Variants in TNIK observed in about 807,000 individuals in gnomAD.
TNIK encodes the protein TRAF2 and NCK-interacting protein kinase.
TNIK carries 49 observed loss-of-function variants against 191.3 expected under a neutral mutation model. That is an observed-to-expected ratio of 0.26 (90% CI 0.20 to 0.32). TNIK has a LOEUF of 0.32. TNIK is among the 10% of genes least tolerant of loss of function. The pLI, the probability that TNIK is intolerant of heterozygous loss-of-function variation, is 1.00. For synonymous variants in TNIK, 594 were observed against 600.9 expected (o/e 0.99, Z 0.17); for missense variants, 1,155 against 1,702.3 (o/e 0.68, Z 5.66).
intron 2 of TNIK, among the ~76,000 whole-genome samples, chr3:171,321,613 C>A (rs1224437818): frequency 3.9e-5 from 6 of 152,176 alleles, no homozygotes; most frequent in African/African-American, 1.4e-4. Context: ...CAACCCAAGC[C>A]ATTTCTGAAA....
chr3:171,170,148 C>T (rs1270718789), intron 9 of TNIK, among the ~76,000 whole-genome samples: 1 of 152,120 alleles, frequency 6.6e-6, no homozygotes, highest in Non-Finnish European at 1.5e-5. Context: ...GTAGTTCTGT[C>T]TCTTATAAAA....
intron 2 of TNIK, among the ~76,000 whole-genome samples, chr3:171,280,115 C>T (rs866411623): frequency 1.3e-5 from 2 of 152,180 alleles, no homozygotes; most frequent in African/African-American, 4.8e-5. Flanking sequence ...CGTTCCCTCC[C>T]GGCTATGTGG....
intron 11 of TNIK, among the ~76,000 whole-genome samples, chr3:171,158,809 C>A (rs111822441): frequency 1.3e-5 from 2 of 152,056 alleles, no homozygotes; most frequent in African/African-American, 4.8e-5. Flanking sequence ...AGCTTTGAGG[C>A]CTTACTTTAG....
intron 18 of TNIK, among the ~76,000 whole-genome samples, chr3:171,118,042 C>T (rs541935839): frequency 2.0e-5 from 3 of 152,156 alleles, no homozygotes; most frequent in East Asian, 1.9e-4. Flanking sequence ...TCTAGAAAGC[C>T]CCATCGTCTC....
At chr3:171,459,231 C>G (rs972803494) in intron 1 of TNIK, among the ~76,000 whole-genome samples, 9 of 152,076 alleles carry the variant, frequency 5.9e-5, no homozygotes, top group African/African-American at 2.2e-4. Flanking sequence ...CACAGACACA[C>G]ACACACACAC....
intron 9 of TNIK, among the ~76,000 whole-genome samples, chr3:171,168,288 C>A (rs1734858598): frequency 1.3e-5 from 2 of 152,192 alleles, no homozygotes; most frequent in South Asian, 4.1e-4. Flanking sequence ...CTCGGGTCAC[C>A]CTTCCTGTCC....
intron 22 of TNIK, among the ~76,000 whole-genome samples, chr3:171,098,234 G>C (rs1179238916): frequency 6.6e-6 from 1 of 152,160 alleles, no homozygotes; most frequent in Non-Finnish European, 1.5e-5. Context: ...TCTTTGGCTT[G>C]CTTGATGTGA....
rs567815199 is a variant in TNIK, at chr3:171,102,261, CAA to C, written c.2407-630_2407-629del. Among the ~76,000 whole-genome samples the C allele has an allele frequency of 1.0e-3, 156 of 151,914 alleles. 1 individual carries two copies. Among genetic ancestry groups the C allele is most frequent in the African/African-American group, 3.5e-3 (147 of 41,528 alleles). ...AATTAATCAAGAGGAACAACAACAA[CAA>C]GAGTTCTCTTCCAAAATGATAGGTG... On this transcript the variant is annotated intron_variant, in intron 21 of 32. Coordinates refer to ENST00000436636, the MANE Select transcript of TNIK (RefSeq NM_015028.4).
chr3:171,079,712 C>G (rs1050873036), intron 27 of TNIK, 60 bp from the exon 28 acceptor site: 2 of 1,520,128 alleles, frequency 1.3e-6, no homozygotes, highest in South Asian at 1.3e-5. Flanking sequence ...TTTTTCCTTC[C>G]CCACCTCCAT....
At chr3:171,214,918 C>T (rs953991430) in intron 3 of TNIK, among the ~76,000 whole-genome samples, 5 of 152,128 alleles carry the variant, frequency 3.3e-5, no homozygotes, top group African/African-American at 4.8e-5. Context: ...CTCAAGATCA[C>T]AGGATCTACT....
chr3:171,253,454 C>T (rs1264000389), intron 2 of TNIK, among the ~76,000 whole-genome samples: 1 of 151,896 alleles, frequency 6.6e-6, no homozygotes, highest in Non-Finnish European at 1.5e-5. Context: ...CAGCTAAAAG[C>T]AAAACCTGTG....
At chr3:171,307,459 T>C (rs6799025) in intron 2 of TNIK, among the ~76,000 whole-genome samples, 74,432 of 152,050 alleles carry the variant, frequency 0.49, 18,795 homozygotes, top group Non-Finnish European at 0.51. Context: ...ATTCTCTTCA[T>C]TCATTTGACT....
At chr3:171,422,578 G>GA (rs1723967594) in intron 1 of TNIK, among the ~76,000 whole-genome samples, 1 of 151,904 alleles carries the variant, frequency 6.6e-6, no homozygotes. Context: ...TATCAAAATG[G>GA]AAAAAATAAA....
intron 1 of TNIK, 90 bp downstream of exon 1, chr3:171,459,917 C>A: frequency 1.5e-6 from 2 of 1,330,530 alleles, no homozygotes; most frequent in Non-Finnish European, 1.0e-6. Flanking sequence ...CTGCTGTCCC[C>A]CTGCCCCAGC....
rs77120315 is a variant in TNIK, at chr3:171,399,949, G to T, written c.58-30264C>A. ...AAAGGAGTAAAAAGTTATTATTGCC[G>T]AGCTGTTCTACTCTGGGCTGCATAC... On this transcript the variant is annotated intron_variant, in intron 1 of 32. Transcript: ENST00000436636. Among the ~76,000 whole-genome samples the T allele has an allele frequency of 1.4e-4, 21 of 152,206 alleles. 1 individual carries two copies. Among genetic ancestry groups the T allele is most frequent in the African/African-American group, 5.1e-4 (21 of 41,516 alleles).
chr3:171,082,214 G>C (rs755644526), intron 27 of TNIK, 37 bp downstream of exon 27: 2 of 1,602,088 alleles, frequency 1.2e-6, no homozygotes, highest in Admixed American at 1.7e-5. Context: ...CTTTCCCGCT[G>C]TATGGACCTG....
Position 171,094,553 on chromosome 3 carries a change from G to GA in TNIK, c.2592-586dup, listed in dbSNP as rs1404624249. 3.3e-5 allele frequency among the ~76,000 whole-genome samples: 5 copies of GA among 152,076 alleles called. No homozygotes were observed. In the East Asian group the frequency reaches 9.6e-4, roughly 29 times the overall value. On this transcript the variant is annotated intron_variant, in intron 22 of 32. Transcript: ENST00000436636. ...CTGAGCAAGTGTTTGGCTTTACCTG[G>GA]AAAAAACACTGAAGTTGGCACCAGG... is the stretch of plus-strand genomic sequence containing the variant.
intron 22 of TNIK, among the ~76,000 whole-genome samples, chr3:171,096,915 G>A (rs1253477016): frequency 1.3e-5 from 2 of 152,174 alleles, no homozygotes; most frequent in African/African-American, 4.8e-5. Flanking sequence ...TCTGTGAATT[G>A]ATAAGTAATT....
At chr3:171,319,782 C>T (rs1360162234) in intron 2 of TNIK, among the ~76,000 whole-genome samples, 2 of 152,118 alleles carry the variant, frequency 1.3e-5, no homozygotes, top group African/African-American at 4.8e-5. Flanking sequence ...CCTGAAGAGA[C>T]TGAGGTATTC....
Sources: allele counts gnomAD v4.1 joint callset (sites outside exome capture counted in the v4.1 genomes callset), GRCh38; gene constraint gnomAD v4.1.1; transcripts MANE v1.5; gene names NCBI Gene and HGNC (gene_info 2026-07-23, HGNC 2026-07-21).